The following LY6S variants were observed in gnomAD, a reference collection of about 807,000 sequenced individuals.
The protein encoded by LY6S is lymphocyte antigen 6S.
chr8:143,061,122 T>C, the LY6S span, among the ~76,000 whole-genome samples: 1 of 152,108 alleles, frequency 6.6e-6, no homozygotes, highest in Non-Finnish European at 1.5e-5. Context: ...GTCACAGTGC[T>C]CATTTTAAAA....
chr8:143,055,086 T>C, the LY6S span, among the ~76,000 whole-genome samples: 1 of 152,246 alleles, frequency 6.6e-6, no homozygotes, highest in Non-Finnish European at 1.5e-5. Context: ...ATGGAATCTT[T>C]AGGAACTTCC....
At chr8:143,048,382 G>A in the LY6S span, among the ~76,000 whole-genome samples, 20 of 151,956 alleles carry the variant, frequency 1.3e-4, no homozygotes, top group Admixed American at 7.2e-4. Flanking sequence ...GACACAGCCC[G>A]TTTGCTGTCC....
chr8:143,055,731 C>T, the LY6S span, among the ~76,000 whole-genome samples: 31 of 152,288 alleles, frequency 2.0e-4, no homozygotes, highest in African/African-American at 5.8e-4. Flanking sequence ...AGAGTAAATA[C>T]GCCGTGAAAG....
chr8:143,048,207 G>A, the LY6S span, among the ~76,000 whole-genome samples: 1 of 152,184 alleles, frequency 6.6e-6, no homozygotes, highest in African/African-American at 2.4e-5. Flanking sequence ...AAGCTCCGGG[G>A]AAGGTTTCTA....
chr8:143,067,917 G>A, the LY6S span, among the ~76,000 whole-genome samples: 3 of 152,140 alleles, frequency 2.0e-5, no homozygotes, highest in Non-Finnish European at 2.9e-5. Context: ...TAGAACTAAC[G>A]GTCAGCTTTA....
At chr8:143,058,320 A>G in the LY6S span, among the ~76,000 whole-genome samples, 2 of 152,214 alleles carry the variant, frequency 1.3e-5, no homozygotes, top group African/African-American at 4.8e-5. Context: ...TTTATTGGAT[A>G]CAAAGCAAAA....
At chr8:143,072,215 T>A in the LY6S span, among the ~76,000 whole-genome samples, 1 of 133,896 alleles carries the variant, frequency 7.5e-6, no homozygotes, top group South Asian at 2.4e-4. Context: ...TTCTGGGGGT[T>A]CCTGTTTGAG....
chr8:143,052,178 G>A, the LY6S span, among the ~76,000 whole-genome samples: 5 of 151,760 alleles, frequency 3.3e-5, no homozygotes, highest in South Asian at 1.0e-3. Flanking sequence ...CTACTTGGGA[G>A]GCTGAGGCAG....
the LY6S span, chr8:143,047,610 C>G: frequency 6.6e-6 from 1 of 152,332 alleles, no homozygotes; most frequent in Non-Finnish European, 1.5e-5. Flanking sequence ...GAAATCCCCC[C>G]TCCCAACTAC....
chr8:143,049,416 C>T, the LY6S span: 16 of 398,948 alleles, frequency 4.0e-5, no homozygotes, highest in South Asian at 1.5e-4. Context: ...CCCGCAGCTC[C>T]GTCTTTCCAG....
the LY6S span, among the ~76,000 whole-genome samples, chr8:143,041,099 A>G: frequency 6.6e-6 from 1 of 152,210 alleles, no homozygotes; most frequent in African/African-American, 2.4e-5. Flanking sequence ...ACACATTGTC[A>G]TTGATAACAT....
At chr8:143,076,224 C>T in the LY6S span, among the ~76,000 whole-genome samples, 2 of 152,292 alleles carry the variant, frequency 1.3e-5, no homozygotes, top group South Asian at 2.1e-4. Context: ...CACAGCTGTC[C>T]GTCTAAGAAA....
chr8:143,052,248 T>C, the LY6S span, among the ~76,000 whole-genome samples: 2 of 151,954 alleles, frequency 1.3e-5, no homozygotes, highest in Admixed American at 6.6e-5. Context: ...ACCACTGCAC[T>C]CCAGCCTGGG....
chr8:143,042,695 G>T, the LY6S span, among the ~76,000 whole-genome samples: 1 of 152,314 alleles, frequency 6.6e-6, no homozygotes, highest in South Asian at 2.1e-4. Context: ...CTGGGACCAC[G>T]TTCCCTCCTT....
At chr8:143,056,737 A>G in the LY6S span, among the ~76,000 whole-genome samples, 1 of 152,230 alleles carries the variant, frequency 6.6e-6, no homozygotes, top group African/African-American at 2.4e-5. Context: ...TGGAAACTTT[A>G]TCAACCACTT....
chr8:143,071,555 G>A, the LY6S span, among the ~76,000 whole-genome samples: 1 of 152,190 alleles, frequency 6.6e-6, no homozygotes, highest in Non-Finnish European at 1.5e-5. Context: ...ATGTGAGACA[G>A]GGCAGGATAC....
chr8:143,057,741 CTG>C, the LY6S span: 1 of 788,906 alleles, frequency 1.3e-6, no homozygotes, highest in Non-Finnish European at 2.3e-6. Context: ...AGCTTAATCA[CTG>C]TGTCGATCTG....
chr8:143,071,986 A>G, the LY6S span, among the ~76,000 whole-genome samples: 1 of 152,162 alleles, frequency 6.6e-6, no homozygotes, highest in Non-Finnish European at 1.5e-5. Flanking sequence ...CTCCCTTCAC[A>G]TTTACCCTCT....
the LY6S span, among the ~76,000 whole-genome samples, chr8:143,047,108 C>G: frequency 1.3e-4 from 20 of 151,624 alleles, no homozygotes; most frequent in Admixed American, 3.9e-4. Context: ...GTAAAACTAA[C>G]GAAAGACCAC....
Sources: gnomAD v4.1 joint callset for allele counts (sites outside exome capture counted in the v4.1 genomes callset) on GRCh38, gnomAD v4.1.1 for gene constraint, MANE v1.5 for transcripts, NCBI Gene and HGNC (gene_info 2026-07-23, HGNC 2026-07-21) for gene names.